The following SHISA6 variants were observed in gnomAD, a reference collection of about 807,000 sequenced individuals.
SHISA6 encodes shisa family member 6.
SHISA6 carries 22 observed loss-of-function variants against 47.9 expected under a neutral mutation model. That is an observed-to-expected ratio of 0.46 (90% CI 0.33 to 0.66). The LOEUF is 0.66. Ranked by LOEUF, SHISA6 falls within the 30% of genes least tolerant of loss-of-function variation. The pLI, the probability that SHISA6 is intolerant of heterozygous loss-of-function variation, is 0.02. For synonymous variants in SHISA6, 388 were observed against 337.8 expected (o/e 1.15, Z -1.63); for missense variants, 680 against 764.6 (o/e 0.89, Z 1.30).
chr17:11,492,939 C>T (rs916180629), intron 3 of SHISA6, among the ~76,000 whole-genome samples: 17 of 152,220 alleles, frequency 1.1e-4, no homozygotes, highest in African/African-American at 3.9e-4. Flanking sequence ...TCTGTCCTGC[C>T]AGCCTGGATC....
intron 3 of SHISA6, among the ~76,000 whole-genome samples, chr17:11,405,159 A>G (rs558998858): frequency 2.6e-5 from 4 of 152,348 alleles, no homozygotes; most frequent in East Asian, 3.9e-4. Flanking sequence ...TGTAACTTCA[A>G]TAAGCTTCCA....
In SHISA6 at chr17:11,244,165, T is replaced by C. The variant is rs113490096; in HGVS notation, c.638+2105T>C. On this transcript the variant is annotated intron_variant, in intron 1 of 5. Transcript: ENST00000441885. ...AGCAGAGTAACCACGGGAAGGGAGA[T>C]GAATTTCAGGCCTCAGAGCTTTATG... 9.2e-3 allele frequency among the ~76,000 whole-genome samples: 1,399 copies of C among 152,218 alleles called. 23 individuals carry two copies. Among genetic ancestry groups the C allele is most frequent in the African/African-American group, 0.031 (1,300 of 41,522 alleles).
Position 11,558,354 on chromosome 17 carries a change from C to T in SHISA6, c.*50C>T. The T allele has an allele frequency of 4.0e-6, 6 of 1,498,340 alleles. No homozygotes were observed. Among genetic ancestry groups the T allele is most frequent in the Non-Finnish European group, 5.4e-6 (6 of 1,121,478 alleles). 92.8% of individuals were successfully genotyped at this position (1,498,340 alleles called of 1,614,324 possible). A position where few individuals can be genotyped will look rare whatever the true frequency, so the allele number is the denominator to read the frequency against. On this transcript the variant is annotated 3_prime_UTR_variant, in exon 6 of 6. Coordinates refer to ENST00000441885, the MANE Select transcript of SHISA6 (RefSeq NM_207386.4). Reference sequence around the variant, plus strand: ...TGGGCGTGGCAGAGCAGAGCGGGGGCCGGGAGGGGCCAGGAGCAGAGCTTC... The same window carrying T: ...TGGGCGTGGCAGAGCAGAGCGGGGGTCGGGAGGGGCCAGGAGCAGAGCTTC...
chr17:11,484,749 A>G (rs1916305573), intron 3 of SHISA6, among the ~76,000 whole-genome samples: 1 of 152,208 alleles, frequency 6.6e-6, no homozygotes, highest in Non-Finnish European at 1.5e-5. Context: ...CTAGGAAACT[A>G]TCATCAAAAT....
chr17:11,334,440 C>G (rs1911246558), intron 2 of SHISA6, among the ~76,000 whole-genome samples: 1 of 152,214 alleles, frequency 6.6e-6, no homozygotes, highest in South Asian at 2.1e-4. Context: ...ATTCGACTCA[C>G]AGGTGGCCAT....
At chr17:11,518,308 G>A (rs868747348) in intron 3 of SHISA6, among the ~76,000 whole-genome samples, 3 of 152,208 alleles carry the variant, frequency 2.0e-5, no homozygotes, top group South Asian at 4.1e-4. Flanking sequence ...GGCACATAGT[G>A]ACATTAGCTT....
intron 3 of SHISA6, among the ~76,000 whole-genome samples, chr17:11,540,109 A>G (rs918782364): frequency 6.6e-6 from 1 of 152,136 alleles, no homozygotes; most frequent in Non-Finnish European, 1.5e-5. Flanking sequence ...ATAGAAAACC[A>G]TCTGCCCGAA....
At chr17:11,462,272 G>C (rs1037654281) in intron 3 of SHISA6, among the ~76,000 whole-genome samples, 2 of 152,124 alleles carry the variant, frequency 1.3e-5, no homozygotes, top group Admixed American at 6.5e-5. Flanking sequence ...ATCCAGTCAG[G>C]ATGCCATGCA....
chr17:11,306,372 AAG>A (rs1433915044), intron 2 of SHISA6, among the ~76,000 whole-genome samples: 5 of 152,312 alleles, frequency 3.3e-5, no homozygotes, highest in Non-Finnish European at 5.9e-5. Context: ...CCATTGAGAA[AAG>A]AGAAGGAGGG....
intron 2 of SHISA6, among the ~76,000 whole-genome samples, chr17:11,342,060 G>T (rs1473138779): frequency 1.3e-5 from 2 of 151,974 alleles, no homozygotes; most frequent in African/African-American, 4.8e-5. Context: ...CTTTCCTCTG[G>T]CCTCTTGAAT....
At chr17:11,395,178 C>T (rs1444420238) in intron 3 of SHISA6, among the ~76,000 whole-genome samples, 1 of 151,578 alleles carries the variant, frequency 6.6e-6, no homozygotes, top group Non-Finnish European at 1.5e-5. Flanking sequence ...CCACAGTATG[C>T]TTATCAAAAT....
At chr17:11,332,831 A>C (rs928935252) in intron 2 of SHISA6, among the ~76,000 whole-genome samples, 1 of 152,106 alleles carries the variant, frequency 6.6e-6, no homozygotes, top group Non-Finnish European at 1.5e-5. Context: ...TGACAGAGCA[A>C]CCCGTCATGT....
chr17:11,414,065 C>T (rs1187328718), intron 3 of SHISA6, among the ~76,000 whole-genome samples: 1 of 151,428 alleles, frequency 6.6e-6, no homozygotes, highest in Non-Finnish European at 1.5e-5. Context: ...AGTTCCTCTT[C>T]CTCCCCTCTT....
intron 3 of SHISA6, among the ~76,000 whole-genome samples, chr17:11,386,647 G>C (rs909344626): frequency 6.6e-6 from 1 of 152,174 alleles, no homozygotes; most frequent in African/African-American, 2.4e-5. Context: ...TATGCTGGGG[G>C]TGTATTTCAG....
chr17:11,295,105 T>C (rs1909701595), intron 2 of SHISA6, among the ~76,000 whole-genome samples: 1 of 152,034 alleles, frequency 6.6e-6, no homozygotes, highest in Admixed American at 6.6e-5. Flanking sequence ...GGGTGGGAGA[T>C]TTCATCAAGC....
chr17:11,290,251 T>C (rs1404805629), intron 2 of SHISA6: 5 of 152,212 alleles, frequency 3.3e-5, no homozygotes, highest in Admixed American at 3.3e-4. Flanking sequence ...AACTAATTTT[T>C]GTAACTATTA....
intron 2 of SHISA6, among the ~76,000 whole-genome samples, chr17:11,367,055 G>GGAATT (rs1400764246): frequency 6.6e-5 from 10 of 152,150 alleles, no homozygotes; most frequent in African/African-American, 2.2e-4. Flanking sequence ...TGGGCAAGAG[G>GGAATT]GAATTGAGGA....
At chr17:11,252,915 A>G (rs887019817) in intron 1 of SHISA6, among the ~76,000 whole-genome samples, 1 of 152,230 alleles carries the variant, frequency 6.6e-6, no homozygotes, top group African/African-American at 2.4e-5. Context: ...GAAGTTTCCC[A>G]GGAATGGTGT....
chr17:11,347,256 G>A (rs976049004), intron 2 of SHISA6, among the ~76,000 whole-genome samples: 2 of 152,070 alleles, frequency 1.3e-5, no homozygotes, highest in Non-Finnish European at 2.9e-5. Context: ...TTGACAAGAG[G>A]AAAAGAAACA....
Sources: allele counts gnomAD v4.1 joint callset (sites outside exome capture counted in the v4.1 genomes callset), GRCh38; gene constraint gnomAD v4.1.1; transcripts MANE v1.5; gene names NCBI Gene and HGNC (gene_info 2026-07-23, HGNC 2026-07-21).